FNDC3B: variants seen among roughly 807,000 people sequenced by gnomAD.
The protein encoded by FNDC3B is fibronectin type III domain-containing protein 3B.
Under a neutral mutation model 151.5 loss-of-function variants are expected in FNDC3B, and 12 were observed. The ratio of observed to expected loss-of-function variants is 0.08; its 90% CI spans 0.05 to 0.13. The LOEUF (loss-of-function observed/expected upper bound fraction) is 0.13, where lower values mean the gene tolerates loss of function less well. FNDC3B is among the 10% of genes least tolerant of loss of function. The probability of loss-of-function intolerance (pLI) is 1.00; values close to 1 mark genes in which losing one functional copy is unlikely to be tolerated. For synonymous variants in FNDC3B, 528 were observed against 549.0 expected, an observed-to-expected ratio of 0.96 and a Z score of 0.54; for missense variants, 1,214 against 1,505.3, an observed-to-expected ratio of 0.81 and a Z score of 3.20.
At chr3:172,244,519 T>C (rs1393437357) in intron 4 of FNDC3B, among the ~76,000 whole-genome samples, 1 of 151,964 alleles carries the variant, frequency 6.6e-6, no homozygotes, top group Non-Finnish European at 1.5e-5. Context: ...CAAAGCTGAA[T>C]TGGATAACTA....
At chr3:172,233,478 T>G (rs1028969700) in intron 4 of FNDC3B, among the ~76,000 whole-genome samples, 1 of 152,012 alleles carries the variant, frequency 6.6e-6, no homozygotes, top group Non-Finnish European at 1.5e-5. Context: ...TGAATTTTGG[T>G]TTGGTTGGTC....
intron 22 of FNDC3B, among the ~76,000 whole-genome samples, chr3:172,360,801 T>A (rs1303956934): frequency 2.6e-5 from 4 of 152,244 alleles, no homozygotes; most frequent in Non-Finnish European, 5.9e-5. Flanking sequence ...GTTCTTCTCT[T>A]CACTGGTACC....
chr3:172,379,223 T>G (rs1735308909), intron 24 of FNDC3B, among the ~76,000 whole-genome samples: 1 of 152,240 alleles, frequency 6.6e-6, no homozygotes, highest in Non-Finnish European at 1.5e-5. Flanking sequence ...CCTCATCTCC[T>G]GCAAATACTG....
chr3:172,143,444 T>C (rs1721729002), intron 3 of FNDC3B, among the ~76,000 whole-genome samples: 1 of 152,194 alleles, frequency 6.6e-6, no homozygotes, highest in African/African-American at 2.4e-5. Context: ...TCCTTAAAGA[T>C]ACATCAACTT....
chr3:172,398,769 G>A lies in FNDC3B; in HGVS notation c.*1294G>A, dbSNP rs1014196934. ...CATGAAAAATAAAATAAAATAAAAC[G>A]GGGATTCTAATGTTTGTAAGTGCTT... is the stretch of plus-strand genomic sequence containing the variant. On this transcript the variant is annotated 3_prime_UTR_variant, in exon 26 of 26. Transcript: ENST00000415807. 1 of 152,400 alleles carries A rather than the reference G, an allele frequency of 6.6e-6. No homozygotes were observed. Among genetic ancestry groups the A allele is most frequent in the African/African-American group, 2.4e-5 (1 of 41,398 alleles). The allele number at this position is 152,400 out of a possible 1,614,324, so 9.4% of individuals were successfully genotyped here. A position where few individuals can be genotyped will look rare whatever the true frequency, so the allele number is the denominator to read the frequency against.
intron 17 of FNDC3B, among the ~76,000 whole-genome samples, chr3:172,342,038 GAGA>G (rs1192587974): frequency 1.2e-4 from 18 of 152,252 alleles, no homozygotes; most frequent in African/African-American, 3.4e-4. Context: ...TAAAATGAAA[GAGA>G]AGGAGAGATG....
At chr3:172,265,797 C>G (rs78104880) in intron 6 of FNDC3B, among the ~76,000 whole-genome samples, 385 of 152,308 alleles carry the variant, frequency 2.5e-3, no homozygotes, top group Middle Eastern at 0.017. Context: ...TTTACGGACA[C>G]TGTACATAGT....
At chr3:172,136,859 A>G (rs550199445) in intron 3 of FNDC3B, among the ~76,000 whole-genome samples, 210 of 152,284 alleles carry the variant, frequency 1.4e-3, no homozygotes, top group African/African-American at 4.9e-3. Context: ...AGCTGGGACT[A>G]CAGGCACACG....
At chr3:172,203,557 C>T (rs11923622) in intron 3 of FNDC3B, among the ~76,000 whole-genome samples, 3,272 of 152,318 alleles carry the variant, frequency 0.021, 121 homozygotes, top group African/African-American at 0.073. Flanking sequence ...GTTACATTCA[C>T]ATAAGAATGA....
chr3:172,158,068 C>T (rs1722585281), intron 3 of FNDC3B, among the ~76,000 whole-genome samples: 1 of 152,138 alleles, frequency 6.6e-6, no homozygotes. Flanking sequence ...CGGGCTTTCA[C>T]CAGGCATTGA....
At chr3:172,365,787 AG>A (rs1734592716) in intron 23 of FNDC3B, among the ~76,000 whole-genome samples, 1 of 152,242 alleles carries the variant, frequency 6.6e-6, no homozygotes, top group Non-Finnish European at 1.5e-5. Flanking sequence ...CAGCTGTTTA[AG>A]TGTTCTTCTT....
chr3:172,337,847 A>G (rs1733065927), intron 16 of FNDC3B: 2 of 192,206 alleles, frequency 1.0e-5, no homozygotes, highest in Non-Finnish European at 2.1e-5. Flanking sequence ...GGGTCTCACT[A>G]TGTTATCTAG....
At chr3:172,337,906 A>T (rs1733070097) in intron 16 of FNDC3B, 1 of 157,142 alleles carries the variant, frequency 6.4e-6, no homozygotes, top group African/African-American at 2.4e-5. Flanking sequence ...TTGGCCTCCC[A>T]AAGTGCTGGG....
chr3:172,064,644 T>C lies in FNDC3B; in HGVS notation c.-29+24873T>C, dbSNP rs550014879. The stretch of plus-strand genomic sequence containing the variant: ...ATTTCTTTGAAATGTAGGAAGTCCA[T>C]AGCCATTGCTGGCTGACATCTTTCT... On this transcript the variant is annotated intron_variant, in intron 1 of 25. Transcript: ENST00000415807. 5.3e-4 allele frequency among the ~76,000 whole-genome samples: 81 copies of C among 152,374 alleles called. 1 individual carries two copies. Among genetic ancestry groups the C allele is most frequent in the African/African-American group, 1.9e-3 (80 of 41,598 alleles).
Position 172,397,182 on chromosome 3 carries a change from G to C in FNDC3B, c.3322G>C (p.Ala1108Pro). The C allele has an allele frequency of 6.2e-7, 1 of 1,611,168 alleles. No homozygotes were observed. Among genetic ancestry groups the C allele is most frequent in the Non-Finnish European group, 8.5e-7 (1 of 1,177,992 alleles). Residue 1108 changes from alanine (A) to proline (P), a missense_variant, in exon 26 of 26, where the codon GCC becomes CCC. Physicochemically the swap from Ala to Pro is conservative, Grantham distance 27. Transcript: ENST00000415807. ...CCTGAAGGTGTACAAGGGAGAAGAAGCCACATTCCAAATCTCAGGCCTCCA... is the reference window on the plus strand; with the variant it reads ...CCTGAAGGTGTACAAGGGAGAAGAACCCACATTCCAAATCTCAGGCCTCCA... Reference protein sequence around the residue: ...EYKQVYKGEEATFQISGLQTN... With the variant: ...EYKQVYKGEEPTFQISGLQTN...
intron 11 of FNDC3B, among the ~76,000 whole-genome samples, chr3:172,318,229 G>C (rs2108266150): frequency 6.6e-6 from 1 of 152,340 alleles, no homozygotes; most frequent in Admixed American, 6.5e-5. Flanking sequence ...TGAGAGAGGA[G>C]AAAAGGCCAG....
At chr3:172,317,041 C>T (rs946677379) in intron 11 of FNDC3B, 1 of 388,062 alleles carries the variant, frequency 2.6e-6, no homozygotes, top group Non-Finnish European at 5.1e-6. Context: ...ATCAGGAACC[C>T]ACTCCTGTGA....
At chr3:172,178,756 T>A (rs572239192) in intron 3 of FNDC3B, among the ~76,000 whole-genome samples, 5 of 152,308 alleles carry the variant, frequency 3.3e-5, no homozygotes, top group African/African-American at 1.2e-4. Flanking sequence ...CAAGTTATAA[T>A]AGAATTTCAT....
intron 3 of FNDC3B, among the ~76,000 whole-genome samples, chr3:172,168,671 A>G (rs1209117284): frequency 6.7e-6 from 1 of 150,148 alleles, no homozygotes; most frequent in Admixed American, 6.6e-5. Context: ...AGTTTCTATC[A>G]TGTCTGTGTG....
Sources: allele counts gnomAD v4.1 joint callset (sites outside exome capture counted in the v4.1 genomes callset), GRCh38; gene constraint gnomAD v4.1.1; transcripts MANE v1.5; gene names NCBI Gene and HGNC (gene_info 2026-07-23, HGNC 2026-07-21).